PLA2G4A: variants seen among roughly 807,000 people sequenced by gnomAD.
PLA2G4A encodes cytosolic phospholipase A2.
In PLA2G4A, 40 loss-of-function variants were observed where a neutral mutation model predicts 81.9. That is an observed-to-expected ratio of 0.49 (90% CI 0.38 to 0.64). The LOEUF (loss-of-function observed/expected upper bound fraction) is 0.64, where lower values mean the gene tolerates loss of function less well. Ranked by LOEUF, PLA2G4A falls within the 30% of genes least tolerant of loss-of-function variation. PLA2G4A has a pLI of 0.00. For synonymous variants in PLA2G4A, 302 were observed against 296.9 expected (o/e 1.02, Z -0.18); for missense variants, 715 against 905.1 (o/e 0.79, Z 2.69).
At chr1:186,983,821 G>T (rs542361561) in intron 17 of PLA2G4A, among the ~76,000 whole-genome samples, 3 of 152,240 alleles carry the variant, frequency 2.0e-5, no homozygotes, top group African/African-American at 7.2e-5. Flanking sequence ...TCCTTGCTCT[G>T]CGGCCTCTTG....
chr1:186,928,934 T>A (rs1252390019), intron 7 of PLA2G4A, among the ~76,000 whole-genome samples: 1 of 152,206 alleles, frequency 6.6e-6, no homozygotes, highest in Non-Finnish European at 1.5e-5. Context: ...CAGCACTTAC[T>A]TGATTCTCTT....
At chr1:186,869,413 A>G (rs1434500251) in intron 2 of PLA2G4A, among the ~76,000 whole-genome samples, 1 of 152,086 alleles carries the variant, frequency 6.6e-6, no homozygotes, top group African/African-American at 2.4e-5. Flanking sequence ...TCATGTCTTC[A>G]CCTCTTTGAT....
chr1:186,944,512 T>A (rs1656268191), intron 10 of PLA2G4A, among the ~76,000 whole-genome samples: 1 of 152,188 alleles, frequency 6.6e-6, no homozygotes, highest in African/African-American at 2.4e-5. Context: ...CAGCCTCTGA[T>A]TCATTGCTAG....
chr1:186,845,185 T>C (rs1652128560), intron 1 of PLA2G4A, among the ~76,000 whole-genome samples: 1 of 152,020 alleles, frequency 6.6e-6, no homozygotes, highest in Non-Finnish European at 1.5e-5. Flanking sequence ...CCATCCTGGG[T>C]GACAGAGTGA....
intron 14 of PLA2G4A, among the ~76,000 whole-genome samples, chr1:186,959,507 G>C (rs779495003): frequency 1.2e-4 from 19 of 152,092 alleles, no homozygotes; most frequent in African/African-American, 4.3e-4. Flanking sequence ...TCATTTTTAT[G>C]TATTCAGTTG....
chr1:186,933,898 C>T (rs1470485420), intron 8 of PLA2G4A, among the ~76,000 whole-genome samples: 1 of 152,084 alleles, frequency 6.6e-6, no homozygotes, highest in Non-Finnish European at 1.5e-5. Flanking sequence ...TTTTCTGGGA[C>T]ATCTATATAT....
intron 14 of PLA2G4A, among the ~76,000 whole-genome samples, chr1:186,962,033 T>C (rs193137879): frequency 2.0e-5 from 3 of 152,340 alleles, no homozygotes; most frequent in Admixed American, 1.3e-4. Context: ...AGGCTGCATA[T>C]GCTACCTGCC....
At chr1:186,948,207 T>C (rs1039962974) in intron 12 of PLA2G4A, among the ~76,000 whole-genome samples, 6 of 152,152 alleles carry the variant, frequency 3.9e-5, no homozygotes, top group South Asian at 2.1e-4. Context: ...TCTTATAATT[T>C]CATTGGAGCC....
chr1:186,926,748 G>A (rs754135299), intron 7 of PLA2G4A, among the ~76,000 whole-genome samples: 8 of 152,162 alleles, frequency 5.3e-5, no homozygotes, highest in South Asian at 2.1e-4. Flanking sequence ...ACCTTTGTGC[G>A]TCACTTGTAA....
chr1:186,881,778 TA>T (rs957208297), intron 3 of PLA2G4A, among the ~76,000 whole-genome samples: 4 of 151,944 alleles, frequency 2.6e-5, no homozygotes, highest in Admixed American at 1.3e-4. Flanking sequence ...TACCAAAGAG[TA>T]AAATGAAGTT....
intron 7 of PLA2G4A, among the ~76,000 whole-genome samples, chr1:186,922,475 T>G (rs1655386343): frequency 6.6e-6 from 1 of 152,132 alleles, no homozygotes; most frequent in Non-Finnish European, 1.5e-5. Flanking sequence ...TGTTGATCCT[T>G]CACGGGGGCC....
chr1:186,834,372 G>A (rs115825311), intron 1 of PLA2G4A, among the ~76,000 whole-genome samples: 1 of 152,020 alleles, frequency 6.6e-6, no homozygotes, highest in Non-Finnish European at 1.5e-5. Context: ...CTATTGAAAA[G>A]TCAAACGTTT....
chr1:186,984,753 T>G (rs1657839199), intron 17 of PLA2G4A, among the ~76,000 whole-genome samples: 1 of 152,228 alleles, frequency 6.6e-6, no homozygotes, highest in South Asian at 2.1e-4. Flanking sequence ...TCTCATTTAT[T>G]TATTAATTCA....
intron 7 of PLA2G4A, 151 bp downstream of exon 7, chr1:186,911,540 A>G (rs1654943137): frequency 2.9e-6 from 2 of 679,008 alleles, no homozygotes; most frequent in Non-Finnish European, 5.3e-6. Context: ...GTAAATGAAA[A>G]CTCTTTGAGG....
chr1:186,968,915 A>G (rs1405079365), intron 15 of PLA2G4A, among the ~76,000 whole-genome samples: 1 of 150,860 alleles, frequency 6.6e-6, no homozygotes, highest in African/African-American at 2.4e-5. Context: ...AAAAATTTAT[A>G]CAATATGATG....
In PLA2G4A at chr1:186,934,463, T is replaced by TATATATATATATATATATATAC. The variant is rs368585350; in HGVS notation, c.695+1565_695+1566insTATATATATATATATATATACA. Among the ~76,000 whole-genome samples the TATATATATATATATATATATAC allele has an allele frequency of 6.1e-4, 88 of 143,494 alleles. 3 individuals are homozygous for TATATATATATATATATATATAC. Among genetic ancestry groups the TATATATATATATATATATATAC allele is most frequent in the African/African-American group, 1.6e-3 (61 of 39,244 alleles). The allele number at this position is 143,494 out of a possible 152,430, so 94.1% of individuals were successfully genotyped here. The stretch of plus-strand genomic sequence containing the variant: ...GTGCACATATATATATATATATATA[T>TATATATATATATATATATATAC]ACATACACAGAGAGAGTAATTAAAA... On this transcript the variant is annotated intron_variant, in intron 8 of 17. Coordinates refer to ENST00000367466, the MANE Select transcript of PLA2G4A (RefSeq NM_024420.3).
At chr1:186,942,410 T>G (rs79478760) in intron 10 of PLA2G4A, among the ~76,000 whole-genome samples, 1 of 152,316 alleles carries the variant, frequency 6.6e-6, no homozygotes, top group Non-Finnish European at 1.5e-5. Context: ...AAGCCTTGTC[T>G]TACAATACTT....
intron 12 of PLA2G4A, among the ~76,000 whole-genome samples, chr1:186,949,509 A>C (rs956517104): frequency 6.6e-6 from 1 of 152,150 alleles, no homozygotes; most frequent in African/African-American, 2.4e-5. Flanking sequence ...CCTGGGATAG[A>C]TCATTTCTTA....
At chr1:186,898,619 C>A (rs903889130) in intron 5 of PLA2G4A, among the ~76,000 whole-genome samples, 5 of 152,094 alleles carry the variant, frequency 3.3e-5, no homozygotes, top group Non-Finnish European at 5.9e-5. Flanking sequence ...TCACAGGAGA[C>A]CTCTCTAAAG....
Sources: gnomAD v4.1 joint callset for allele counts (sites outside exome capture counted in the v4.1 genomes callset) on GRCh38, gnomAD v4.1.1 for gene constraint, MANE v1.5 for transcripts, NCBI Gene and HGNC (gene_info 2026-07-23, HGNC 2026-07-21) for gene names.